The following CBL variants were observed in gnomAD, a reference collection of about 807,000 sequenced individuals.
The protein encoded by CBL is E3 ubiquitin-protein ligase CBL.
In CBL, 45 loss-of-function variants were observed where a neutral mutation model predicts 96.9. That is an observed-to-expected ratio of 0.46 (90% CI 0.37 to 0.60). CBL has a LOEUF of 0.60. Among genes scored for constraint, CBL ranks in the 20% least tolerant of loss-of-function variants. CBL has a pLI of 0.00. For synonymous variants in CBL, 420 were observed against 426.8 expected (o/e 0.98, Z 0.20); for missense variants, 1,024 against 1,143.5 (o/e 0.90, Z 1.51).
intron 2 of CBL, among the ~76,000 whole-genome samples, chr11:119,243,917 T>C (rs1047055893): frequency 1.3e-4 from 19 of 151,828 alleles, no homozygotes; most frequent in African/African-American, 3.9e-4. Context: ...TTTGTGGACA[T>C]CGGGTCTCAC....
intron 2 of CBL, among the ~76,000 whole-genome samples, chr11:119,249,769 C>A (rs1949658006): frequency 6.6e-6 from 1 of 151,686 alleles, no homozygotes; most frequent in Non-Finnish European, 1.5e-5. Context: ...TCGATCCTCC[C>A]ACCTAAGCTT....
At chr11:119,293,344 G>A (rs535969026) in intron 12 of CBL, among the ~76,000 whole-genome samples, 1 of 152,230 alleles carries the variant, frequency 6.6e-6, no homozygotes, top group South Asian at 2.1e-4. Flanking sequence ...CTGACCTCAA[G>A]TGATCCACCC....
At chr11:119,292,029 T>G (rs908243804) in intron 12 of CBL, among the ~76,000 whole-genome samples, 44 of 152,228 alleles carry the variant, frequency 2.9e-4, no homozygotes, top group African/African-American at 1.0e-3. Context: ...ATTTTTGTAT[T>G]TTTAGTAGAG....
rs1949272424 is a variant in CBL, at chr11:119,206,719, A to G, written c.195+107A>G. ...AGCGGGGGAGGGGACGGGTCTGGTG[A>G]AGCCGGGGAGGCGCGGAGCCGGGGT... is the stretch of plus-strand genomic sequence containing the variant. On this transcript the variant is annotated intron_variant, in intron 1 of 15. Coordinates refer to ENST00000264033, the MANE Select transcript of CBL (RefSeq NM_005188.4). The G allele has an allele frequency of 8.7e-6, 10 of 1,146,888 alleles. No individual in the cohort carries two copies. The South Asian group carries it at 1.4e-4, about 16-fold the overall frequency. 71.0% of individuals were successfully genotyped at this position (1,146,888 alleles called of 1,614,324 possible).
chr11:119,223,305 T>C (rs1381725018), intron 1 of CBL, among the ~76,000 whole-genome samples: 1 of 149,556 alleles, frequency 6.7e-6, no homozygotes, highest in Non-Finnish European at 1.5e-5. Context: ...GTGCTGGGAT[T>C]ACAGACATGA....
At chr11:119,252,913 A>G (rs1178168868) in intron 2 of CBL, among the ~76,000 whole-genome samples, 1 of 151,880 alleles carries the variant, frequency 6.6e-6, no homozygotes, top group Non-Finnish European at 1.5e-5. Flanking sequence ...TTAAAAAAAA[A>G]TAAAATCACT....
At chr11:119,265,946 C>T (rs868855281) in intron 2 of CBL, among the ~76,000 whole-genome samples, 4 of 141,376 alleles carry the variant, frequency 2.8e-5, no homozygotes, top group Non-Finnish European at 4.5e-5. Flanking sequence ...TGCTTGAACC[C>T]GGGAGAGAGG....
Position 119,221,465 on chromosome 11 carries a change from G to A in CBL, c.196-10983G>A, listed in dbSNP as rs116995170. 5.5e-4 allele frequency among the ~76,000 whole-genome samples: 84 copies of A among 151,706 alleles called. 1 individual carries two copies. The East Asian group carries it at 0.013, about 23-fold the overall frequency. ...CTTTGAAAAACAGTCATGAGTTTTC[G>A]TTTAAAAAAGCTTCACTATAAGCTG... On this transcript the variant is annotated intron_variant, in intron 1 of 15. Coordinates refer to ENST00000264033, the MANE Select transcript of CBL (RefSeq NM_005188.4).
In CBL at chr11:119,278,595, GGAGTGGCAGCCTGTT is replaced by G; in HGVS notation, c.1317_1331del (p.Ser439_Leu443del). The G allele has an allele frequency of 6.2e-7, 1 of 1,614,082 alleles. No homozygotes were observed. Among genetic ancestry groups the G allele is most frequent in the African/African-American group, 1.3e-5 (1 of 75,014 alleles). Reference sequence around the variant, plus strand: ...GTGGTAGATCCGTTTGATCCTAGAGGGAGTGGCAGCCTGTTGAGGCAAGGAGCAGAGGGAGCTCCC... The same window carrying G: ...GTGGTAGATCCGTTTGATCCTAGAGGGAGGCAAGGAGCAGAGGGAGCTCCC... On this transcript the variant is annotated inframe_deletion, in exon 9 of 16. Transcript: ENST00000264033.
At position 119,285,176 on chromosome 11, in the gene CBL, C is replaced by T. The variant is rs117902985; in HGVS notation, c.1564-13C>T. ...TGGGTTTTTACTGATTTGCTTTCACCCTGCTTCCACAGGCTGCTTCTGGCT... is the reference window on the plus strand; with the variant it reads ...TGGGTTTTTACTGATTTGCTTTCACTCTGCTTCCACAGGCTGCTTCTGGCT... On this transcript the variant is annotated splice_polypyrimidine_tract_variant and intron_variant, in intron 10 of 15. Coordinates refer to ENST00000264033, the MANE Select transcript of CBL (RefSeq NM_005188.4). 3.6e-4 allele frequency: 574 copies of T among 1,613,972 alleles called. 7 individuals are homozygous for T. The East Asian group carries it at 0.012, about 33-fold the overall frequency.
intron 1 of CBL, among the ~76,000 whole-genome samples, chr11:119,220,503 G>A (rs540231696): frequency 1.3e-5 from 2 of 152,288 alleles, no homozygotes; most frequent in Admixed American, 6.5e-5. Context: ...GGAGGCTGAG[G>A]GAGGAGCATC....
chr11:119,287,347 G>A (rs1389240869), intron 11 of CBL, among the ~76,000 whole-genome samples: 3 of 152,236 alleles, frequency 2.0e-5, no homozygotes, highest in African/African-American at 7.2e-5. Context: ...GCATCAGCAA[G>A]TAGGCAGTCA....
intron 1 of CBL, among the ~76,000 whole-genome samples, chr11:119,231,302 C>T (rs1454806737): frequency 6.6e-6 from 1 of 152,084 alleles, no homozygotes; most frequent in African/African-American, 2.4e-5. Context: ...ACTTGGGAGG[C>T]TGAATGAGAT....
At chr11:119,214,349 A>T (rs1424292459) in intron 1 of CBL, among the ~76,000 whole-genome samples, 1 of 151,950 alleles carries the variant, frequency 6.6e-6, no homozygotes, top group Non-Finnish European at 1.5e-5. Context: ...TCCTGGGTTC[A>T]AGCAATTCTA....
intron 1 of CBL, among the ~76,000 whole-genome samples, chr11:119,231,360 T>G (rs1207268488): frequency 6.6e-6 from 1 of 151,960 alleles, no homozygotes; most frequent in Non-Finnish European, 1.5e-5. Context: ...TGAGCTGAGA[T>G]TGCACCATTG....
chr11:119,299,518 C>G lies in CBL; in HGVS notation c.2458C>G (p.Pro820Ala), dbSNP rs1356499832. Reference protein sequence around the residue: ...TTNVTEGSQVPERPPKPFPRR... With the variant: ...TTNVTEGSQVAERPPKPFPRR... ...AGATGTCACTGAAGGTTCCCAAGTT[C>G]CCGAGAGGCCTCCAAAACCATTCCC... Residue 820 changes from proline to alanine, a missense_variant, in exon 16 of 16, where the codon CCC (proline) becomes GCC (alanine). Pro to Ala is a conservative substitution (Grantham distance 27, BLOSUM62 -1). This residue lies in a region of CBL where 695 missense variants were observed against 661.6 expected (regional missense o/e 1.05). Coordinates refer to ENST00000264033, the MANE Select transcript of CBL (RefSeq NM_005188.4). 3 of 1,614,032 alleles carry G rather than the reference C, an allele frequency of 1.9e-6. No homozygotes were observed. Among genetic ancestry groups the G allele is most frequent in the African/African-American group, 1.3e-5 (1 of 74,894 alleles).
chr11:119,273,836 C>T, intron 3 of CBL, 32 bp from the exon 4 acceptor site: 1 of 1,600,532 alleles, frequency 6.2e-7, no homozygotes, highest in Non-Finnish European at 8.6e-7. Flanking sequence ...TCTGTTATTT[C>T]ACTTTATGCC....
intron 12 of CBL, among the ~76,000 whole-genome samples, chr11:119,293,924 C>T (rs1950046552): frequency 6.6e-6 from 1 of 152,144 alleles, no homozygotes; most frequent in Non-Finnish European, 1.5e-5. Context: ...TTCTCACCAG[C>T]CCATTGAGAC....
At chr11:119,291,716 A>G (rs1351479683) in intron 12 of CBL, among the ~76,000 whole-genome samples, 1 of 152,222 alleles carries the variant, frequency 6.6e-6, no homozygotes, top group African/African-American at 2.4e-5. Flanking sequence ...TCAAAAAATA[A>G]AAATATATAT....
Sources: gnomAD v4.1 joint callset for allele counts (sites outside exome capture counted in the v4.1 genomes callset) on GRCh38, gnomAD v4.1.1 for gene constraint, gnomAD v4.1.1 regional missense constraint, MANE v1.5 for transcripts, NCBI Gene and HGNC (gene_info 2026-07-23, HGNC 2026-07-21) for gene names.